Variants in TMEM132D observed in about 807,000 individuals in gnomAD.
TMEM132D encodes transmembrane protein 132D, also known as mature OL transmembrane protein.
Under a neutral mutation model 62.3 loss-of-function variants are expected in TMEM132D, and 21 were observed. The ratio of observed to expected loss-of-function variants is 0.34; its 90% CI spans 0.24 to 0.49. The LOEUF is 0.49. Ranked by LOEUF, TMEM132D falls within the 20% of genes least tolerant of loss-of-function variation. The pLI is 0.99. For missense variants in TMEM132D, 1,346 were observed against 1,402.8 expected (o/e 0.96, Z 0.65); for synonymous variants, 621 against 575.6 (o/e 1.08, Z -1.13).
chr12:129,888,463 C>T (rs141250225), intron 1 of TMEM132D, among the ~76,000 whole-genome samples: 2,971 of 152,052 alleles, frequency 0.02, 104 homozygotes, highest in African/African-American at 0.068. Flanking sequence ...TTTGAGAGAC[C>T]GAGGCAGGAG....
chr12:129,140,429 C>T (rs112900643), intron 5 of TMEM132D, among the ~76,000 whole-genome samples: 2,860 of 152,230 alleles, frequency 0.019, 42 homozygotes, highest in Middle Eastern at 0.031. Context: ...CAATCCCTGA[C>T]CACAGGCAAC....
chr12:129,276,000 C>T (rs1037111263), intron 4 of TMEM132D, among the ~76,000 whole-genome samples: 1 of 151,844 alleles, frequency 6.6e-6, no homozygotes, highest in Non-Finnish European at 1.5e-5. Flanking sequence ...TCTCTTATCC[C>T]GCAGTCTGCT....
intron 1 of TMEM132D, among the ~76,000 whole-genome samples, chr12:129,828,736 AAAGGAGGGAGGGAGGG>A (rs1872734337): frequency 8.8e-5 from 1 of 11,398 alleles, no homozygotes; most frequent in Admixed American, 1.1e-3. Context: ...GGGAGGGAGG[AAAGGAGGGAGGGAGGG>A]AGGAAAGGAG....
chr12:129,332,528 C>T (rs1467112642), intron 4 of TMEM132D, among the ~76,000 whole-genome samples: 1 of 150,538 alleles, frequency 6.6e-6, no homozygotes. Flanking sequence ...TCCTTGACAA[C>T]AGCCACAACT....
At chr12:129,600,352 C>G (rs144304250) in intron 2 of TMEM132D, among the ~76,000 whole-genome samples, 1 of 152,302 alleles carries the variant, frequency 6.6e-6, no homozygotes, top group South Asian at 2.1e-4. Flanking sequence ...TCCACACCTG[C>G]GGTGACTTCC....
intron 5 of TMEM132D, among the ~76,000 whole-genome samples, chr12:129,204,559 T>A (rs1207592535): frequency 3.9e-5 from 6 of 152,182 alleles, no homozygotes; most frequent in East Asian, 1.9e-4. Context: ...CTCACTGGTA[T>A]CCCTGAAAGA....
In TMEM132D at chr12:129,074,172, T is replaced by C. The variant is rs199691995; in HGVS notation, c.3003A>G (p.Lys1001=). 9.0e-5 allele frequency: 146 copies of C among 1,614,062 alleles called. No individual in the cohort carries two copies. In the East Asian group the frequency reaches 2.5e-3, roughly 27 times the overall value. Residue 1001 remains lysine, a synonymous_variant, in exon 9 of 9, where the codon AAA becomes AAG. Coordinates refer to ENST00000422113, the MANE Select transcript of TMEM132D (RefSeq NM_133448.3). ...IDRGMDFEES[K]YLLSTNSQKS... Reference sequence around the variant, plus strand: ...TTTGGGAGTTTGTGCTGAGGAGATATTTACTTTCCTCGAAATCCATGCCCC... The same window carrying C: ...TTTGGGAGTTTGTGCTGAGGAGATACTTACTTTCCTCGAAATCCATGCCCC...
chr12:129,890,846 G>A lies in TMEM132D; in HGVS notation c.79+12415C>T, dbSNP rs1294046481. On this transcript the variant is annotated intron_variant, in intron 1 of 8. Coordinates refer to ENST00000422113, the MANE Select transcript of TMEM132D (RefSeq NM_133448.3). ...AATGATTGAATAAATAGATTCATAC[G>A]CTTGGTTCCTTATACCTCTGATGTT... 6.6e-5 allele frequency among the ~76,000 whole-genome samples: 10 copies of A among 152,012 alleles called. No individual in the cohort carries two copies. In the East Asian group the frequency reaches 7.7e-4, roughly 12 times the overall value.
At chr12:129,643,849 T>C (rs1378960705) in intron 2 of TMEM132D, among the ~76,000 whole-genome samples, 1 of 69,122 alleles carries the variant, frequency 1.4e-5, no homozygotes, top group Admixed American at 1.6e-4. Context: ...AATGTACCAT[T>C]TTTTTTTTTT....
rs571231207 is a variant in TMEM132D, at chr12:129,348,561, G to A, written c.1116-10744C>T. ...CACCCACCAGGGCCTGTCGGGGGTAGTGGGTAAGGGAAGGGAGAGCATGAG... is the reference window on the plus strand; with the variant it reads ...CACCCACCAGGGCCTGTCGGGGGTAATGGGTAAGGGAAGGGAGAGCATGAG... On this transcript the variant is annotated intron_variant, in intron 3 of 8. Coordinates refer to ENST00000422113, the MANE Select transcript of TMEM132D (RefSeq NM_133448.3). 2.6e-5 allele frequency among the ~76,000 whole-genome samples: 4 copies of A among 152,160 alleles called. No homozygotes were observed. In the East Asian group the frequency reaches 5.9e-4, roughly 23 times the overall value.
intron 5 of TMEM132D, among the ~76,000 whole-genome samples, chr12:129,136,563 CAACACT>C (rs1876563472): frequency 6.6e-6 from 1 of 152,208 alleles, no homozygotes; most frequent in South Asian, 2.1e-4. Flanking sequence ...ACTACTTTAA[CAACACT>C]ATTTGAAAGC....
chr12:129,516,473 T>G (rs144426149), intron 3 of TMEM132D, among the ~76,000 whole-genome samples: 1,887 of 152,216 alleles, frequency 0.012, 9 homozygotes, highest in African/African-American at 0.025. Context: ...GAAAGGCACA[T>G]CTTACATGGT....
At chr12:129,479,560 T>C (rs1207678789) in intron 3 of TMEM132D, among the ~76,000 whole-genome samples, 2 of 152,198 alleles carry the variant, frequency 1.3e-5, no homozygotes, top group African/African-American at 4.8e-5. Flanking sequence ...CCAATGCCTG[T>C]CCTCATGGTG....
intron 5 of TMEM132D, among the ~76,000 whole-genome samples, chr12:129,108,465 C>T (rs959396812): frequency 3.3e-5 from 5 of 152,156 alleles, no homozygotes; most frequent in African/African-American, 1.2e-4. Context: ...GACATACTTG[C>T]AGACGATGTC....
rs951480549 is a variant in TMEM132D, at chr12:129,405,638, T to C, written c.1116-67821A>G. Among the ~76,000 whole-genome samples the C allele has an allele frequency of 5.9e-5, 9 of 152,150 alleles. No individual in the cohort carries two copies. In the East Asian group the frequency reaches 1.5e-3, roughly 26 times the overall value. The stretch of plus-strand genomic sequence containing the variant: ...TGAATAGCAGACTTGGGGTATCTTT[T>C]TGGGAGCAGAAGCAGCAGGATTTTC... On this transcript the variant is annotated intron_variant, in intron 3 of 8. Coordinates refer to ENST00000422113, the MANE Select transcript of TMEM132D (RefSeq NM_133448.3).
At chr12:129,621,561 C>A (rs769981599) in intron 2 of TMEM132D, among the ~76,000 whole-genome samples, 2 of 152,160 alleles carry the variant, frequency 1.3e-5, no homozygotes, top group African/African-American at 2.4e-5. Context: ...TATTAACATT[C>A]TCTCCCCACT....
chr12:129,689,413 T>C (rs1391734031), intron 2 of TMEM132D, among the ~76,000 whole-genome samples: 1 of 150,862 alleles, frequency 6.6e-6, no homozygotes, highest in Non-Finnish European at 1.5e-5. Flanking sequence ...AAATGTAGAT[T>C]CTCTCAGCCT....
At chr12:129,238,368 T>A (rs1009029732) in intron 4 of TMEM132D, among the ~76,000 whole-genome samples, 6 of 152,230 alleles carry the variant, frequency 3.9e-5, no homozygotes, top group Admixed American at 6.5e-5. Context: ...AATTTAACCA[T>A]TTTCAAGTGT....
intron 2 of TMEM132D, among the ~76,000 whole-genome samples, chr12:129,581,262 G>A (rs527507635): frequency 1.1e-4 from 17 of 152,296 alleles, no homozygotes; most frequent in African/African-American, 4.1e-4. Flanking sequence ...AGAAGCAGAC[G>A]TTGGCACCAT....
Sources: allele counts gnomAD v4.1 joint callset (sites outside exome capture counted in the v4.1 genomes callset), GRCh38; gene constraint gnomAD v4.1.1; transcripts MANE v1.5; gene names NCBI Gene and HGNC (gene_info 2026-07-23, HGNC 2026-07-21).